Variants in PCNT observed in about 807,000 individuals in gnomAD.
PCNT encodes the protein pericentrin.
Under a neutral mutation model 380.4 loss-of-function variants are expected in PCNT, and 319 were observed. That is an observed-to-expected ratio of 0.84 (90% confidence interval 0.77 to 0.92). The LOEUF is 0.92. Ranked by LOEUF, PCNT falls within the 40% of genes least tolerant of loss-of-function variation. PCNT has a pLI of 0.00. For synonymous variants in PCNT, 1,845 were observed against 1,735.2 expected (o/e 1.06, Z -1.57); for missense variants, 4,400 against 4,255.3 (o/e 1.03, Z -0.95).
chr21:46,374,836 C>G (rs1215942886), intron 15 of PCNT, among the ~76,000 whole-genome samples: 2 of 78,096 alleles, frequency 2.6e-5, no homozygotes, highest in Non-Finnish European at 4.6e-5. Context: ...GCAACAAGAG[C>G]AAAACTTCGT....
intron 8 of PCNT, 146 bp downstream of exon 8, chr21:46,349,966 G>A (rs1242357884): frequency 1.2e-6 from 1 of 846,942 alleles, no homozygotes; most frequent in Non-Finnish European, 1.9e-6. Flanking sequence ...GTTCACGCCT[G>A]TAACTCTATC....
chr21:46,337,500 A>G (rs1015729835), intron 3 of PCNT, among the ~76,000 whole-genome samples: 7 of 152,284 alleles, frequency 4.6e-5, no homozygotes, highest in African/African-American at 1.7e-4. Context: ...ACTGGTGAGT[A>G]TGTAGTCAGG....
At chr21:46,407,428 G>A (rs918469427) in intron 27 of PCNT, among the ~76,000 whole-genome samples, 22 of 131,180 alleles carry the variant, frequency 1.7e-4, no homozygotes, top group South Asian at 2.5e-4. Context: ...TGCAACCTCC[G>A]CCTCCCGGGT....
At chr21:46,430,464 T>C in intron 36 of PCNT, 43 bp from the exon 37 acceptor site, 1 of 1,548,746 alleles carries the variant, frequency 6.5e-7, no homozygotes, top group Non-Finnish European at 8.7e-7. Flanking sequence ...GGGAACACAC[T>C]CTGGCCCACG....
intron 30 of PCNT, 87 bp from the exon 31 acceptor site, chr21:46,418,117 C>A: frequency 1.3e-6 from 1 of 784,232 alleles, no homozygotes; most frequent in Non-Finnish European, 2.3e-6. Context: ...AAGATAAATT[C>A]AGGCCTTTGA....
chr21:46,384,121 G>C (rs1490172236), intron 16 of PCNT, among the ~76,000 whole-genome samples: 1 of 143,640 alleles, frequency 7.0e-6, no homozygotes, highest in African/African-American at 2.6e-5. Context: ...CATTCACAGT[G>C]TTGTATATTC....
At position 46,382,466 on chromosome 21, in the gene PCNT, T is replaced by G. The variant is rs1271549571; in HGVS notation, c.3312+626T>G. Among the ~76,000 whole-genome samples, 3 of 145,326 alleles carry G rather than the reference T, an allele frequency of 2.1e-5. 1 individual carries two copies. In the Admixed American group the frequency reaches 2.1e-4, roughly 10 times the overall value. ...AGTGGCGGAAGCGCATTCACCATGT[T>G]GTATATTCAGTGACGGAAGCGCATT... On this transcript the variant is annotated intron_variant, in intron 16 of 46. Transcript: ENST00000359568.
chr21:46,442,875 C>T (rs929289501), intron 44 of PCNT: 1 of 434,860 alleles, frequency 2.3e-6, no homozygotes, highest in African/African-American at 2.0e-5. Flanking sequence ...TTCCTTAAAT[C>T]AACTGAAACT....
Position 46,444,792 on chromosome 21 carries a change from T to G in PCNT, c.9938T>G (p.Ile3313Ser), listed in dbSNP as rs2053710067. The part of the protein sequence containing the change: ...LTEYIHHLEV[I>S]QQRLGGVLPD... ...GAGTATATTCACCATTTAGAAGTGA[T>G]CCAGCAAAGATTGGGAGGGGTACTA... The change falls in exon 46 of 47, where the codon ATC becomes AGC. Residue 3313 changes from isoleucine (I) to serine (S), a missense_variant. Ile to Ser is a moderately radical substitution (Grantham distance 142, BLOSUM62 -2). Transcript: ENST00000359568. 1.2e-6 allele frequency: 2 copies of G among 1,613,476 alleles called. No homozygotes were observed. Among genetic ancestry groups the G allele is most frequent in the Admixed American group, 3.3e-5 (2 of 59,996 alleles).
intron 24 of PCNT, among the ~76,000 whole-genome samples, chr21:46,399,134 T>G (rs373301219): frequency 1.4e-4 from 22 of 152,238 alleles, no homozygotes; most frequent in African/African-American, 4.6e-4. Context: ...TTCCATTCTT[T>G]TCTATCAGAA....
At chr21:46,341,090 C>T (rs1569170537) in intron 3 of PCNT, among the ~76,000 whole-genome samples, 1 of 152,088 alleles carries the variant, frequency 6.6e-6, no homozygotes, top group East Asian at 1.9e-4. Flanking sequence ...CCCATGTTGG[C>T]CAGGCTGGTC....
chr21:46,408,696 T>G (rs1601995342), intron 27 of PCNT, among the ~76,000 whole-genome samples: 1 of 151,750 alleles, frequency 6.6e-6, no homozygotes, highest in East Asian at 1.9e-4. Flanking sequence ...GTGGGGGAAA[T>G]GTTTGCTTAA....
At chr21:46,392,368 C>T (rs1300731720) in intron 21 of PCNT, among the ~76,000 whole-genome samples, 7 of 152,032 alleles carry the variant, frequency 4.6e-5, no homozygotes, top group African/African-American at 1.5e-4. Flanking sequence ...TACAGGTGAG[C>T]ACCACCACAC....
chr21:46,348,871 C>G (rs889888783), intron 6 of PCNT, 141 bp from the exon 7 acceptor site: 1 of 640,524 alleles, frequency 1.6e-6, no homozygotes. Flanking sequence ...GGCGATCTGC[C>G]TGCCTCAGCC....
intron 28 of PCNT, 64 bp downstream of exon 28, chr21:46,412,131 C>T (rs1055614732): frequency 1.3e-6 from 2 of 1,547,730 alleles, no homozygotes; most frequent in Non-Finnish European, 1.7e-6. Flanking sequence ...CCTTTGATGT[C>T]AATGACTTCT....
At chr21:46,432,615 T>C (rs1356553391) in intron 38 of PCNT, among the ~76,000 whole-genome samples, 1 of 152,226 alleles carries the variant, frequency 6.6e-6, no homozygotes, top group Non-Finnish European at 1.5e-5. Context: ...TTACAGAATG[T>C]GTCTCTTCAT....
intron 33 of PCNT, among the ~76,000 whole-genome samples, chr21:46,426,834 G>A (rs2087528556): frequency 6.6e-6 from 1 of 152,188 alleles, no homozygotes; most frequent in Non-Finnish European, 1.5e-5. Context: ...TGCCCACCCT[G>A]TCCTGCCCCT....
intron 26 of PCNT, 142 bp downstream of exon 26, chr21:46,401,863 T>A: frequency 1.2e-6 from 1 of 850,462 alleles, no homozygotes; most frequent in Non-Finnish European, 1.8e-6. Context: ...TTTTTGTTGT[T>A]GTTTGAGACA....
At chr21:46,328,046 G>A (rs1329083343) in intron 2 of PCNT, among the ~76,000 whole-genome samples, 1 of 152,220 alleles carries the variant, frequency 6.6e-6, no homozygotes, top group East Asian at 1.9e-4. Flanking sequence ...TGCTGCTGCA[G>A]CAGAATGGGT....
Sources: gnomAD v4.1 joint callset for allele counts (sites outside exome capture counted in the v4.1 genomes callset) on GRCh38, gnomAD v4.1.1 for gene constraint, MANE v1.5 for transcripts, NCBI Gene and HGNC (gene_info 2026-07-23, HGNC 2026-07-21) for gene names.